NEK7: variants seen among roughly 807,000 people sequenced by gnomAD.
NEK7 encodes the protein serine/threonine-protein kinase Nek7.
A neutral mutation model predicts 44.6 loss-of-function variants in NEK7; 18 were observed. The ratio of observed to expected loss-of-function variants is 0.40; its 90% CI spans 0.28 to 0.60. The LOEUF is 0.60. NEK7 is among the 20% of genes least tolerant of loss of function. The pLI is 0.38. For missense variants in NEK7, 256 were observed against 366.5 expected, an observed-to-expected ratio of 0.70 and a Z score of 2.46; for synonymous variants, 130 against 121.1, an observed-to-expected ratio of 1.07 and a Z score of -0.48.
At chr1:198,193,354 A>T (rs1332516224) in intron 1 of NEK7, among the ~76,000 whole-genome samples, 2 of 152,178 alleles carry the variant, frequency 1.3e-5, no homozygotes, top group East Asian at 3.8e-4. Context: ...GACCAGACAG[A>T]TATACAGCTG....
At chr1:198,161,666 CTT>C (rs1484677341) in intron 1 of NEK7, among the ~76,000 whole-genome samples, 1 of 152,128 alleles carries the variant, frequency 6.6e-6, no homozygotes, top group Admixed American at 6.5e-5. Flanking sequence ...ATAAGAACCT[CTT>C]TTAGGTTTAT....
chr1:198,296,428 C>T (rs79056743), intron 8 of NEK7, among the ~76,000 whole-genome samples: 6,872 of 152,134 alleles, frequency 0.045, 564 homozygotes, highest in African/African-American at 0.16. Flanking sequence ...AATTTAAATT[C>T]GATAATGTCT....
At chr1:198,217,601 A>AGATAAAG (rs1270848266) in intron 1 of NEK7, among the ~76,000 whole-genome samples, 2 of 152,096 alleles carry the variant, frequency 1.3e-5, no homozygotes, top group Non-Finnish European at 2.9e-5. Context: ...ATCAGGCAAG[A>AGATAAAG]GACGGAAATA....
At chr1:198,171,674 G>A (rs1029634025) in intron 1 of NEK7, among the ~76,000 whole-genome samples, 21 of 146,262 alleles carry the variant, frequency 1.4e-4, no homozygotes, top group African/African-American at 4.1e-4. Context: ...GCAAGACTCC[G>A]TCTGAAAAAA....
intron 1 of NEK7, chr1:198,197,879 T>C: frequency 9.6e-7 from 1 of 1,043,630 alleles, no homozygotes; most frequent in Non-Finnish European, 1.5e-6. Context: ...CTGCATCTTC[T>C]TGTCCTCTAT....
intron 1 of NEK7, among the ~76,000 whole-genome samples, chr1:198,177,768 G>A (rs918432136): frequency 2.6e-5 from 4 of 151,998 alleles, no homozygotes; most frequent in Non-Finnish European, 4.4e-5. Context: ...TGTGCCAGAA[G>A]AAGGATTTCA....
At chr1:198,190,160 T>C (rs1665031988) in intron 1 of NEK7, among the ~76,000 whole-genome samples, 1 of 152,102 alleles carries the variant, frequency 6.6e-6, no homozygotes, top group Admixed American at 6.6e-5. Flanking sequence ...CCCCATTTTA[T>C]CTCCCTAACA....
chr1:198,182,056 C>T (rs1664784188), intron 1 of NEK7, among the ~76,000 whole-genome samples: 1 of 151,730 alleles, frequency 6.6e-6, no homozygotes. Context: ...TCAGGTTTAC[C>T]TCTGTTGATG....
intron 7 of NEK7, among the ~76,000 whole-genome samples, chr1:198,281,519 G>C (rs1654197818): frequency 6.6e-6 from 1 of 151,978 alleles, no homozygotes; most frequent in Non-Finnish European, 1.5e-5. Context: ...AGAAAAATCT[G>C]AGTAAGTTTA....
chr1:198,192,477 A>G (rs1361249714), intron 1 of NEK7, among the ~76,000 whole-genome samples: 1 of 151,740 alleles, frequency 6.6e-6, no homozygotes, highest in African/African-American at 2.4e-5. Context: ...ATGAAAGATT[A>G]CTCCAAAGTT....
chr1:198,256,171 A>G (rs940309175), intron 3 of NEK7, among the ~76,000 whole-genome samples: 4 of 152,166 alleles, frequency 2.6e-5, no homozygotes, highest in African/African-American at 7.2e-5. Flanking sequence ...TATTGGTTTT[A>G]TCATTCATTT....
chr1:198,315,438 A>G (rs1297949386), intron 9 of NEK7, among the ~76,000 whole-genome samples: 5 of 152,306 alleles, frequency 3.3e-5, no homozygotes, highest in African/African-American at 2.4e-5. Context: ...AGCTGTTCCT[A>G]TTCGGCCATC....
At chr1:198,231,360 A>G (rs181183532) in intron 1 of NEK7, among the ~76,000 whole-genome samples, 1 of 144,088 alleles carries the variant, frequency 6.9e-6, no homozygotes, top group Admixed American at 7.1e-5. Context: ...CATTTGGTAT[A>G]TGACAAAGAT....
At chr1:198,238,912 G>T (rs1237678742) in intron 2 of NEK7, among the ~76,000 whole-genome samples, 2 of 152,168 alleles carry the variant, frequency 1.3e-5, no homozygotes, top group Non-Finnish European at 2.9e-5. Context: ...TTACACTTTT[G>T]CTTGTGATTA....
At chr1:198,268,874 T>G (rs1327577655) in intron 5 of NEK7, among the ~76,000 whole-genome samples, 1 of 152,130 alleles carries the variant, frequency 6.6e-6, no homozygotes, top group Non-Finnish European at 1.5e-5. Flanking sequence ...TTCATTTCCT[T>G]GAATGTGATT....
intron 1 of NEK7, among the ~76,000 whole-genome samples, chr1:198,165,928 T>C (rs1664252651): frequency 6.6e-6 from 1 of 152,250 alleles, no homozygotes; most frequent in Admixed American, 6.5e-5. Context: ...TAGCTTCTAC[T>C]TCAGCAATTG....
At chr1:198,297,469 C>T (rs973760375) in intron 9 of NEK7, among the ~76,000 whole-genome samples, 1 of 152,182 alleles carries the variant, frequency 6.6e-6, no homozygotes, top group Non-Finnish European at 1.5e-5. Flanking sequence ...AAATTGGCCA[C>T]TTTCTAGGTG....
chr1:198,303,855 A>C (rs1476740239), intron 9 of NEK7, among the ~76,000 whole-genome samples: 1 of 152,276 alleles, frequency 6.6e-6, no homozygotes, highest in Admixed American at 6.5e-5. Context: ...TAAAATGTAG[A>C]GAGAGATATA....
rs547142177 is a variant in NEK7, at chr1:198,208,032, A to C, written c.-28-24521A>C. On this transcript the variant is annotated intron_variant, in intron 1 of 9. Transcript: ENST00000367385. ...TTTTAGATACATTTCTAACATGGCA[A>C]TCACTTTTATCTGTGGTTTCATGTA... Among the ~76,000 whole-genome samples the C allele has an allele frequency of 1.5e-4, 23 of 152,256 alleles. 2 individuals are homozygous for C. In the South Asian group the frequency reaches 4.8e-3, roughly 32 times the overall value.
Sources: allele counts gnomAD v4.1 joint callset (sites outside exome capture counted in the v4.1 genomes callset), GRCh38; gene constraint gnomAD v4.1.1; transcripts MANE v1.5; gene names NCBI Gene and HGNC (gene_info 2026-07-23, HGNC 2026-07-21).